The following PKP4 variants were observed in gnomAD, a reference collection of about 807,000 sequenced individuals.
The protein encoded by PKP4 is plakophilin 4.
In PKP4, 90 loss-of-function variants were observed where a neutral mutation model predicts 145.1. The ratio of observed to expected loss-of-function variants is 0.62; its 90% CI spans 0.52 to 0.74. The LOEUF (loss-of-function observed/expected upper bound fraction) is 0.74. Among genes scored for constraint, PKP4 ranks in the 30% least tolerant of loss-of-function variants. The pLI is 0.00. For missense variants in PKP4, 1,340 were observed against 1,482.7 expected (o/e 0.90, Z 1.58); for synonymous variants, 563 against 577.2 (o/e 0.98, Z 0.35).
chr2:158,610,385 TAAAC>T (rs1558882314), intron 4 of PKP4, among the ~76,000 whole-genome samples: 1 of 152,062 alleles, frequency 6.6e-6, no homozygotes, highest in Non-Finnish European at 1.5e-5. Flanking sequence ...CAATAAAAAA[TAAAC>T]ATCAAAATCA....
At chr2:158,668,444 A>G (rs2057297864) in intron 16 of PKP4, among the ~76,000 whole-genome samples, 1 of 152,222 alleles carries the variant, frequency 6.6e-6, no homozygotes, top group Non-Finnish European at 1.5e-5. Context: ...AAAAGTTACT[A>G]CATACTCAAC....
intron 2 of PKP4, chr2:158,548,346 C>G (rs1277926274): frequency 2.6e-5 from 4 of 152,098 alleles, no homozygotes; most frequent in Admixed American, 2.6e-4. Flanking sequence ...TATTTGGCTT[C>G]TTTATGTTAA....
intron 2 of PKP4, among the ~76,000 whole-genome samples, chr2:158,540,303 A>C (rs2044403908): frequency 6.6e-6 from 1 of 152,224 alleles, no homozygotes; most frequent in Non-Finnish European, 1.5e-5. Context: ...GGCTGTTCAC[A>C]CATAACTGGA....
In PKP4 at chr2:158,625,138, T is replaced by C. The variant is rs569106680; in HGVS notation, c.864T>C (p.Ile288=). 6.2e-7 allele frequency: 1 copy of C among 1,614,114 alleles called. No individual in the cohort carries two copies. Among genetic ancestry groups the C allele is most frequent in the South Asian group, 1.1e-5 (1 of 91,080 alleles). ...RPASPTAIRR[I]GSVTSRQTSN... ...CCTCCCCAACAGCTATACGGCGGATTGGGTCAGTCACCTCCCGGCAGACCT... is the reference window on the plus strand; with the variant it reads ...CCTCCCCAACAGCTATACGGCGGATCGGGTCAGTCACCTCCCGGCAGACCT... Residue 288 remains isoleucine (I), a synonymous_variant, in exon 7 of 22, where the codon ATT becomes ATC. Coordinates refer to ENST00000389759, the MANE Select transcript of PKP4 (RefSeq NM_003628.6).
At chr2:158,569,314 T>C (rs1475177014) in intron 2 of PKP4, among the ~76,000 whole-genome samples, 2 of 152,246 alleles carry the variant, frequency 1.3e-5, no homozygotes, top group African/African-American at 2.4e-5. Context: ...GTTCATCTCC[T>C]ATTAGAATAT....
At chr2:158,463,902 G>A (rs1469379270) in intron 1 of PKP4, among the ~76,000 whole-genome samples, 2 of 152,164 alleles carry the variant, frequency 1.3e-5, no homozygotes, top group Non-Finnish European at 2.9e-5. Context: ...TGCGGTAGTG[G>A]TGAAGTGCTC....
intron 2 of PKP4, among the ~76,000 whole-genome samples, chr2:158,540,916 C>T (rs3771599): frequency 0.67 from 102,291 of 151,948 alleles, 34,693 homozygotes; most frequent in South Asian, 0.84. Context: ...ATTTCCTTTT[C>T]AGTTGAATAA....
intron 6 of PKP4, among the ~76,000 whole-genome samples, chr2:158,621,798 T>A (rs2052293493): frequency 6.6e-6 from 1 of 151,396 alleles, no homozygotes; most frequent in South Asian, 2.1e-4. Context: ...TAGTTGAATA[T>A]CTGTTATAGG....
chr2:158,488,904 A>G (rs1344075014), intron 1 of PKP4, among the ~76,000 whole-genome samples: 1 of 152,184 alleles, frequency 6.6e-6, no homozygotes, highest in Non-Finnish European at 1.5e-5. Flanking sequence ...CTGGAATCAG[A>G]TAGGAACAGG....
At chr2:158,492,806 A>G (rs1695140523) in intron 1 of PKP4, among the ~76,000 whole-genome samples, 1 of 152,240 alleles carries the variant, frequency 6.6e-6, no homozygotes, top group Non-Finnish European at 1.5e-5. Context: ...TGTTTACAGT[A>G]GAAAATGCAG....
chr2:158,580,450 G>A (rs376253893), intron 3 of PKP4, among the ~76,000 whole-genome samples: 3 of 152,172 alleles, frequency 2.0e-5, no homozygotes, highest in African/African-American at 7.2e-5. Context: ...CAGTTGTCCC[G>A]AGCAGTAAGA....
intron 1 of PKP4, among the ~76,000 whole-genome samples, chr2:158,528,668 T>TG (rs1491476067): frequency 1.5e-4 from 3 of 20,010 alleles, no homozygotes; most frequent in East Asian, 1.6e-3. Flanking sequence ...ACTTACTAAA[T>TG]GAAAAAAAAA....
chr2:158,633,133 A>G (rs1234755309), intron 8 of PKP4, among the ~76,000 whole-genome samples: 1 of 152,226 alleles, frequency 6.6e-6, no homozygotes, highest in Non-Finnish European at 1.5e-5. Flanking sequence ...TAGAAATAAA[A>G]TGTATAATAG....
intron 11 of PKP4, among the ~76,000 whole-genome samples, chr2:158,646,200 T>C (rs116428270): frequency 0.012 from 1,823 of 152,328 alleles, 36 homozygotes; most frequent in African/African-American, 0.042. Flanking sequence ...GCCATACTTA[T>C]AGAGTAGGAG....
chr2:158,499,588 G>C (rs1176714920), intron 1 of PKP4, among the ~76,000 whole-genome samples: 3 of 152,142 alleles, frequency 2.0e-5, no homozygotes, highest in Non-Finnish European at 4.4e-5. Flanking sequence ...TGTGTCCACT[G>C]GCCTGGAGGA....
At chr2:158,658,396 T>G in intron 12 of PKP4, 82 bp downstream of exon 12, 1 of 817,034 alleles carries the variant, frequency 1.2e-6, no homozygotes, top group Admixed American at 2.7e-5. Flanking sequence ...AGGACTTACT[T>G]TATTAACATC....
intron 2 of PKP4, among the ~76,000 whole-genome samples, chr2:158,560,755 T>G (rs1437007198): frequency 6.6e-6 from 1 of 152,212 alleles, no homozygotes; most frequent in Non-Finnish European, 1.5e-5. Flanking sequence ...GTTCATGTAC[T>G]TCACACCCAA....
chr2:158,586,901 T>C (rs930763975), intron 3 of PKP4, among the ~76,000 whole-genome samples: 13 of 152,232 alleles, frequency 8.5e-5, no homozygotes, highest in African/African-American at 2.9e-4. Context: ...GCCTAGGACA[T>C]GTGACCCCAA....
chr2:158,523,487 A>C lies in PKP4; in HGVS notation c.-5-9693A>C, dbSNP rs1574271736. On this transcript the variant is annotated intron_variant, in intron 1 of 21. Transcript: ENST00000389759. ...CACACCGAAAACCCATCTGTACATC[A>C]CCATCATCAAAGACCAAAAGTAGAT... 4.3e-5 allele frequency among the ~76,000 whole-genome samples: 2 copies of C among 47,054 alleles called. 1 individual carries two copies. Among genetic ancestry groups the C allele is most frequent in the Non-Finnish European group, 1.1e-4 (2 of 19,008 alleles). The allele number at this position is 47,054 out of a possible 152,430, so 30.9% of individuals were successfully genotyped here.
Sources: gnomAD v4.1 joint callset for allele counts (sites outside exome capture counted in the v4.1 genomes callset) on GRCh38, gnomAD v4.1.1 for gene constraint, MANE v1.5 for transcripts, NCBI Gene and HGNC (gene_info 2026-07-23, HGNC 2026-07-21) for gene names.